BMPER: variants seen among roughly 807,000 people sequenced by gnomAD.
BMPER encodes the protein BMP-binding endothelial regulator protein.
BMPER carries 45 observed loss-of-function variants against 87.3 expected under a neutral mutation model. The observed-to-expected ratio is 0.52, with a 90% confidence interval of 0.41 to 0.66. The LOEUF (loss-of-function observed/expected upper bound fraction) is 0.66. Among genes scored for constraint, BMPER ranks in the 30% least tolerant of loss-of-function variants. The probability of loss-of-function intolerance (pLI) is 0.00; values close to 1 mark genes in which losing one functional copy is unlikely to be tolerated. For missense variants in BMPER, 784 were observed against 867.5 expected, an observed-to-expected ratio of 0.90 and a Z score of 1.21; for synonymous variants, 326 against 316.2, an observed-to-expected ratio of 1.03 and a Z score of -0.33.
At chr7:34,148,390 A>G (rs889114968) in intron 14 of BMPER, among the ~76,000 whole-genome samples, 4 of 152,108 alleles carry the variant, frequency 2.6e-5, no homozygotes, top group African/African-American at 9.7e-5. Flanking sequence ...TACATCTTAT[A>G]TTTTGTTAAG....
chr7:33,965,918 G>A (rs554966213), intron 3 of BMPER, among the ~76,000 whole-genome samples: 1 of 152,190 alleles, frequency 6.6e-6, no homozygotes, highest in South Asian at 2.1e-4. Context: ...CTACCTAAAA[G>A]TAATATAAAA....
intron 2 of BMPER, among the ~76,000 whole-genome samples, chr7:33,927,711 C>T (rs867838191): frequency 4.3e-4 from 66 of 152,224 alleles, no homozygotes; most frequent in African/African-American, 1.6e-3. Flanking sequence ...AAAATCCCTA[C>T]CAACCTGGCC....
intron 3 of BMPER, among the ~76,000 whole-genome samples, chr7:33,943,563 G>A (rs980458497): frequency 6.6e-6 from 1 of 152,296 alleles, no homozygotes; most frequent in Non-Finnish European, 1.5e-5. Flanking sequence ...CAGAGACCTA[G>A]AAATCACAGT....
At position 34,153,570 on chromosome 7, in the gene BMPER, A is replaced by G. The variant is rs759384302; in HGVS notation, c.*297A>G. 68 of 334,146 alleles carry G rather than the reference A, an allele frequency of 2.0e-4. 1 individual carries two copies. The Middle Eastern group carries it at 3.0e-3, about 15-fold the overall frequency. 20.7% of individuals were successfully genotyped at this position (334,146 alleles called of 1,614,324 possible). The stretch of plus-strand genomic sequence containing the variant: ...GGTGTTTTTAATTTAATAAGGTGGC[A>G]TGCAGATACATTGGATAGTGTTAAC... On this transcript the variant is annotated 3_prime_UTR_variant, in exon 15 of 15. Transcript: ENST00000649409.
intron 8 of BMPER, among the ~76,000 whole-genome samples, chr7:34,054,285 C>A (rs796938200): frequency 4.9e-4 from 74 of 152,318 alleles, no homozygotes; most frequent in African/African-American, 1.7e-3. Flanking sequence ...TCTCTCCACA[C>A]ACACATACAC....
chr7:33,934,889 A>G (rs1195455634), intron 2 of BMPER, among the ~76,000 whole-genome samples: 1 of 152,204 alleles, frequency 6.6e-6, no homozygotes, highest in Non-Finnish European at 1.5e-5. Flanking sequence ...AAGCTCTGTT[A>G]ATGAAGTTCT....
intron 11 of BMPER, among the ~76,000 whole-genome samples, chr7:34,071,353 A>G (rs999899699): frequency 7.2e-5 from 11 of 152,220 alleles, no homozygotes; most frequent in African/African-American, 2.2e-4. Flanking sequence ...CGGCAAGGTA[A>G]TTGTTCTTAG....
intron 13 of BMPER, among the ~76,000 whole-genome samples, chr7:34,137,172 C>A (rs1035338896): frequency 6.6e-6 from 1 of 152,100 alleles, no homozygotes; most frequent in African/African-American, 2.4e-5. Context: ...TCATCAAATC[C>A]TTTTTTTCCA....
chr7:34,086,000 G>A lies in BMPER; in HGVS notation c.1653G>A (p.Lys551=). The A allele has an allele frequency of 1.2e-6, 2 of 1,614,098 alleles. No individual in the cohort carries two copies. The highest frequency in any genetic ancestry group is 1.7e-6 in the Non-Finnish European group (2 of 1,180,038). Residue 551 remains lysine (K), a synonymous_variant, in exon 13 of 15, where the codon AAG becomes AAA. Transcript: ENST00000649409. The stretch of plus-strand genomic sequence containing the variant: ...CTGAACTGTGTCAAGGGACAGTCAA[G>A]GTAAAGCTCCGGGCCCATCGAGAAT... ...PVPELCQGTV[K]VKLRAHRECQ...
At chr7:33,951,971 C>T (rs980606227) in intron 3 of BMPER, among the ~76,000 whole-genome samples, 1 of 152,048 alleles carries the variant, frequency 6.6e-6, no homozygotes, top group African/African-American at 2.4e-5. Context: ...CTTTGAATTC[C>T]ATAGAGGTTA....
chr7:33,917,607 A>C (rs897713753), intron 2 of BMPER, among the ~76,000 whole-genome samples: 3 of 152,212 alleles, frequency 2.0e-5, no homozygotes, highest in Non-Finnish European at 2.9e-5. Flanking sequence ...TAGACATAAC[A>C]TGACTCTGAG....
intron 13 of BMPER, among the ~76,000 whole-genome samples, chr7:34,086,633 C>T (rs1021429355): frequency 2.0e-5 from 3 of 152,154 alleles, no homozygotes; most frequent in Non-Finnish European, 2.9e-5. Context: ...TGAGACTTCA[C>T]GTCTAGAGTC....
At chr7:33,971,814 G>A (rs1239589327) in intron 5 of BMPER, among the ~76,000 whole-genome samples, 3 of 152,200 alleles carry the variant, frequency 2.0e-5, no homozygotes, top group Non-Finnish European at 2.9e-5. Flanking sequence ...TGATAACAGA[G>A]CATATTTTAT....
At chr7:34,114,733 C>T (rs1043443963) in intron 13 of BMPER, among the ~76,000 whole-genome samples, 9 of 152,180 alleles carry the variant, frequency 5.9e-5, no homozygotes, top group Admixed American at 3.3e-4. Flanking sequence ...AAGCTTGAGC[C>T]GCCATCTGAA....
intron 3 of BMPER, among the ~76,000 whole-genome samples, chr7:33,937,788 G>T (rs1419222370): frequency 6.6e-6 from 1 of 152,128 alleles, no homozygotes; most frequent in Admixed American, 6.5e-5. Context: ...CTCTGCCAGA[G>T]AAGTCTTTAA....
At chr7:34,076,747 G>T (rs1007472969) in intron 11 of BMPER, among the ~76,000 whole-genome samples, 1 of 152,132 alleles carries the variant, frequency 6.6e-6, no homozygotes, top group Non-Finnish European at 1.5e-5. Context: ...TAATTTTAAT[G>T]TAATTGGTGT....
intron 2 of BMPER, among the ~76,000 whole-genome samples, chr7:33,922,978 T>G (rs536833776): frequency 1.2e-4 from 18 of 152,148 alleles, no homozygotes; most frequent in Non-Finnish European, 2.6e-4. Context: ...ATTGCTAGCT[T>G]GTTTCTCCAT....
At chr7:34,027,427 C>T (rs1184066582) in intron 6 of BMPER, among the ~76,000 whole-genome samples, 1 of 151,938 alleles carries the variant, frequency 6.6e-6, no homozygotes, top group Non-Finnish European at 1.5e-5. Context: ...TTAAAAATCT[C>T]CTAGATGAAA....
chr7:34,097,602 T>G (rs1238761502), intron 13 of BMPER, among the ~76,000 whole-genome samples: 1 of 152,194 alleles, frequency 6.6e-6, no homozygotes, highest in East Asian at 1.9e-4. Context: ...CAGAGCTGAT[T>G]CAGTGGGTCT....
Sources: allele counts gnomAD v4.1 joint callset (sites outside exome capture counted in the v4.1 genomes callset), GRCh38; gene constraint gnomAD v4.1.1; transcripts MANE v1.5; gene names NCBI Gene and HGNC (gene_info 2026-07-23, HGNC 2026-07-21).